The following MYH13 variants were observed in gnomAD, a reference collection of about 807,000 sequenced individuals.
The protein encoded by MYH13 is myosin heavy chain 13, also known as myosin-13.
Under a neutral mutation model 232.1 loss-of-function variants are expected in MYH13, and 177 were observed. The observed-to-expected ratio is 0.76, with a 90% CI of 0.67 to 0.86. The LOEUF (loss-of-function observed/expected upper bound fraction) is 0.86. MYH13 is among the 40% of genes least tolerant of loss of function. The pLI, the probability that MYH13 is intolerant of heterozygous loss-of-function variation, is 0.00. For synonymous variants in MYH13, 884 were observed against 923.5 expected, an observed-to-expected ratio of 0.96 and a Z score of 0.78; for missense variants, 2,246 against 2,405.9, an observed-to-expected ratio of 0.93 and a Z score of 1.39.
chr17:10,343,851 A>C lies in MYH13; in HGVS notation c.1843T>G (p.Ser615Ala). Residue 615 changes from serine (S) to alanine (A), a missense_variant, in exon 16 of 41, where the codon TCG becomes GCG. Physicochemically the swap from Ser to Ala is moderately conservative, Grantham distance 99. Coordinates refer to ENST00000252172, the MANE Select transcript of MYH13 (RefSeq NM_003802.3). The part of the protein sequence containing the change: ...ETVVGLYQKS[S>A]LKLLSFLFSN... ...AAAAGGAAGGAGAGAAGCTTCAGCG[A>C]AGACTTCTGGTACAGCCCCACCACA... 2 of 1,611,182 alleles carry C rather than the reference A, an allele frequency of 1.2e-6. No homozygotes were observed. Among genetic ancestry groups the C allele is most frequent in the Non-Finnish European group, 1.7e-6 (2 of 1,178,166 alleles).
chr17:10,305,431 G>A (rs1906244042), intron 37 of MYH13, among the ~76,000 whole-genome samples: 1 of 152,102 alleles, frequency 6.6e-6, no homozygotes, highest in South Asian at 2.1e-4. Context: ...AAAGTCTATG[G>A]CCTTGTTGTT....
chr17:10,322,098 G>A lies in MYH13; in HGVS notation c.2935-390C>T, dbSNP rs553482113. 2.0e-4 allele frequency among the ~76,000 whole-genome samples: 31 copies of A among 152,232 alleles called. No homozygotes were observed. The East Asian group carries it at 4.5e-3, about 22-fold the overall frequency. On this transcript the variant is annotated intron_variant, in intron 23 of 40. Transcript: ENST00000252172. Reference sequence around the variant, plus strand: ...GGGGAGGAGAGGCGTGAGGTCCTACGCAAGAAAATTCACGCCGGGCGCGGT... The same window carrying A: ...GGGGAGGAGAGGCGTGAGGTCCTACACAAGAAAATTCACGCCGGGCGCGGT...
intron 39 of MYH13, 27 bp from the exon 40 acceptor site, chr17:10,301,730 C>A (rs62060457): frequency 3.1e-6 from 5 of 1,610,240 alleles, no homozygotes; most frequent in Non-Finnish European, 4.2e-6. Flanking sequence ...GGGGGTATGA[C>A]GCTGTAGAGC....
chr17:10,348,947 A>C (rs975167901), intron 12 of MYH13, among the ~76,000 whole-genome samples: 2 of 152,026 alleles, frequency 1.3e-5, no homozygotes, highest in African/African-American at 4.8e-5. Flanking sequence ...CTGTGCCTCC[A>C]TCCCCATCAC....
At chr17:10,328,528 A>C (rs1459871571) in intron 21 of MYH13, among the ~76,000 whole-genome samples, 1 of 152,092 alleles carries the variant, frequency 6.6e-6, no homozygotes, top group African/African-American at 2.4e-5. Context: ...CTCTGCCTTA[A>C]ATTCCATCCA....
At chr17:10,355,280 G>T in intron 8 of MYH13, 133 bp from the exon 9 acceptor site, 7 of 975,330 alleles carry the variant, frequency 7.2e-6, no homozygotes, top group Middle Eastern at 2.4e-4. Flanking sequence ...GGCCTGCTTT[G>T]GTGAACCTTC....
At chr17:10,310,292 T>G (rs574455086) in intron 33 of MYH13, among the ~76,000 whole-genome samples, 109 of 152,200 alleles carry the variant, frequency 7.2e-4, no homozygotes, top group Middle Eastern at 3.4e-3. Context: ...GGTTTCACCA[T>G]GTTGCCTAGG....
chr17:10,304,634 T>A lies in MYH13; in HGVS notation c.5467-1136A>T, dbSNP rs1441209602. Among the ~76,000 whole-genome samples, 2 of 152,218 alleles carry A rather than the reference T, an allele frequency of 1.3e-5. No individual in the cohort carries two copies. Among genetic ancestry groups the A allele is most frequent in the Non-Finnish European group, 2.9e-5 (2 of 68,034 alleles). ...TAGTCAAAGCACTCTCCAGGCCCACTTGATAGACCCAAAGCAAGTCAGTCG... is the reference window on the plus strand; with the variant it reads ...TAGTCAAAGCACTCTCCAGGCCCACATGATAGACCCAAAGCAAGTCAGTCG... On this transcript the variant is annotated intron_variant, in intron 37 of 40. Coordinates refer to ENST00000252172, the MANE Select transcript of MYH13 (RefSeq NM_003802.3). This position sits in a 1 kb window ranked among gnomAD's most constrained non-coding sequence, Gnocchi z 5.3.
At chr17:10,307,174 A>G in intron 35 of MYH13, 110 bp from the exon 36 acceptor site, 4 of 1,369,008 alleles carry the variant, frequency 2.9e-6, no homozygotes, top group Non-Finnish European at 3.9e-6. Flanking sequence ...TCCATTTCTT[A>G]TTTTTCACAT....
chr17:10,344,229 C>T, intron 15 of MYH13, 120 bp from the exon 16 acceptor site: 10 of 1,400,328 alleles, frequency 7.1e-6, no homozygotes, highest in Non-Finnish European at 9.5e-6. Flanking sequence ...GGCATGTACG[C>T]TCGGTGAGAG....
At chr17:10,309,470 G>A (rs762351322) in intron 34 of MYH13, 33 bp from the exon 35 acceptor site, 26 of 1,599,232 alleles carry the variant, frequency 1.6e-5, no homozygotes, top group Non-Finnish European at 2.0e-5. Flanking sequence ...GGCCAGAGCC[G>A]CCTGGCAGGC....
chr17:10,312,914 G>A (rs553445134), intron 30 of MYH13, among the ~76,000 whole-genome samples, 157 bp from the exon 31 acceptor site: 5 of 151,986 alleles, frequency 3.3e-5, no homozygotes, highest in African/African-American at 9.7e-5. Flanking sequence ...AAGTGTCACC[G>A]AGAGATTCTC....
At chr17:10,309,929 A>T (rs1027641728) in intron 33 of MYH13, 99 bp from the exon 34 acceptor site, 21 of 1,054,272 alleles carry the variant, frequency 2.0e-5, no homozygotes, top group South Asian at 9.9e-5. Context: ...GCGTTTTTTT[A>T]AAAAAATTAA....
At chr17:10,351,564 T>C (rs530930411) in intron 11 of MYH13, among the ~76,000 whole-genome samples, 1 of 152,342 alleles carries the variant, frequency 6.6e-6, no homozygotes, top group South Asian at 2.1e-4. Flanking sequence ...CTGTATGTTA[T>C]TAAATCCCCA....
rs746005885 is a variant in MYH13, at chr17:10,313,359, G to A, written c.3985-5C>T. The A allele has an allele frequency of 3.7e-6, 6 of 1,614,146 alleles. No individual in the cohort carries two copies. The African/African-American group carries it at 8.0e-5, about 22-fold the overall frequency. On this transcript the variant is annotated splice_region_variant and splice_polypyrimidine_tract_variant and intron_variant, in intron 29 of 40. Coordinates refer to ENST00000252172, the MANE Select transcript of MYH13 (RefSeq NM_003802.3). ...GTGCGCCATGGCGTTCTTGGCCTGG[G>A]AATGACAGCGGTGACAAATTGCAAA...
At chr17:10,344,208 C>G (rs1273324665) in intron 15 of MYH13, 99 bp from the exon 16 acceptor site, 1 of 1,499,816 alleles carries the variant, frequency 6.7e-7, no homozygotes, top group Non-Finnish European at 8.9e-7. Flanking sequence ...CACTCTGGTA[C>G]CAGGAATGCT....
intron 18 of MYH13, among the ~76,000 whole-genome samples, chr17:10,336,491 C>T (rs951163254): frequency 6.6e-6 from 1 of 152,136 alleles, no homozygotes; most frequent in African/African-American, 2.4e-5. Context: ...GGGGCCTCCT[C>T]GCTGGCTCAG....
chr17:10,313,317 C>A lies in MYH13; in HGVS notation c.4022G>T (p.Arg1341Leu). 1 of 1,614,238 alleles carries A rather than the reference C, an allele frequency of 6.2e-7. No individual in the cohort carries two copies. The highest frequency in any genetic ancestry group is 8.5e-7 in the Non-Finnish European group (1 of 1,180,038). ...TTCCCGCAGCAGGTCACAGTCGTGGCGGGAGGACTGCAGGGCGTGCGCCAT... is the reference window on the plus strand; with the variant it reads ...TTCCCGCAGCAGGTCACAGTCGTGGAGGGAGGACTGCAGGGCGTGCGCCAT... ...NAMAHALQSS[R>L]HDCDLLREQY... Residue 1341 changes from arginine (R) to leucine (L), a missense_variant, in exon 30 of 41, where the codon CGC becomes CTC. By Grantham distance (102) the Arg-to-Leu change is moderately radical. Transcript: ENST00000252172.
chr17:10,360,731 G>A (rs2071785415), intron 5 of MYH13, among the ~76,000 whole-genome samples: 1 of 152,166 alleles, frequency 6.6e-6, no homozygotes, highest in African/African-American at 2.4e-5. Context: ...TTGGAAATAA[G>A]ATGTAAACAA....
Sources: gnomAD v4.1 joint callset for allele counts (sites outside exome capture counted in the v4.1 genomes callset) on GRCh38, gnomAD v4.1.1 for gene constraint, Gnocchi (gnomAD v3.1) non-coding constraint, MANE v1.5 for transcripts, NCBI Gene and HGNC (gene_info 2026-07-23, HGNC 2026-07-21) for gene names.